Variants in ADD1 observed in about 807,000 individuals in gnomAD.
ADD1 encodes the protein adducin 1.
Under a neutral mutation model 80.5 loss-of-function variants are expected in ADD1, and 24 were observed. That is an observed-to-expected ratio of 0.30 (90% confidence interval 0.22 to 0.42). ADD1 has a LOEUF of 0.42. Ranked by LOEUF, ADD1 falls within the 10% of genes least tolerant of loss-of-function variation. The pLI, the probability that ADD1 is intolerant of heterozygous loss-of-function variation, is 1.00. For synonymous variants in ADD1, 373 were observed against 393.8 expected, an observed-to-expected ratio of 0.95 and a Z score of 0.63; for missense variants, 948 against 1,019.0, an observed-to-expected ratio of 0.93 and a Z score of 0.95.
intron 12 of ADD1, 78 bp from the exon 13 acceptor site, chr4:2,909,257 TAGCC>T: frequency 8.2e-7 from 1 of 1,215,234 alleles, no homozygotes; most frequent in Non-Finnish European, 1.2e-6. Flanking sequence ...TGCATGCTCT[TAGCC>T]AGCTCCATCC....
rs1023475480 is a variant in ADD1, at chr4:2,928,396, C to T, written c.2273C>T (p.Ala758Val). The T allele has an allele frequency of 6.2e-6, 10 of 1,613,168 alleles. No individual in the cohort carries two copies. The highest frequency in any genetic ancestry group is 1.3e-5 in the African/African-American group (1 of 74,868). ...APVAEEAAPS[A>V]VEEGAAADPG... Reference sequence around the variant, plus strand: ...GTGGCTGAAGAGGCTGCCCCCTCAGCTGTCGAGGAGGGGGCCGCCGCGGAC... The same window carrying T: ...GTGGCTGAAGAGGCTGCCCCCTCAGTTGTCGAGGAGGGGGCCGCCGCGGAC... Residue 758 changes from alanine (A) to valine (V), a missense_variant, in exon 16 of 16, where the codon GCT becomes GTT. Transcript: ENST00000683351.
In ADD1 at chr4:2,898,268, A is replaced by T; in HGVS notation, c.826A>T (p.Ile276Phe). The T allele has an allele frequency of 6.2e-7, 1 of 1,614,166 alleles. No homozygotes were observed. The highest frequency in any genetic ancestry group is 8.5e-7 in the Non-Finnish European group (1 of 1,180,046). ...AGTGGCTTATCATGACTACCATGGC[A>T]TTCTGGTTGATGAAGAGGAAAAAGT... is the stretch of plus-strand genomic sequence containing the variant. ...GEVAYHDYHG[I>F]LVDEEEKVLI... is the part of the protein sequence containing the mutation. Residue 276 changes from isoleucine to phenylalanine, a missense_variant, in exon 7 of 16, where the codon ATT becomes TTT. Coordinates refer to ENST00000683351, the MANE Select transcript of ADD1 (RefSeq NM_001354761.2).
At chr4:2,879,052 G>T (rs763214200) in intron 2 of ADD1, among the ~76,000 whole-genome samples, 11 of 152,296 alleles carry the variant, frequency 7.2e-5, no homozygotes, top group African/African-American at 1.4e-4. Context: ...CCTGAGATGG[G>T]TTGGATGACA....
chr4:2,904,413 CTT>C (rs1278899345), intron 9 of ADD1, among the ~76,000 whole-genome samples: 4 of 152,214 alleles, frequency 2.6e-5, no homozygotes, highest in African/African-American at 4.8e-5. Context: ...AGGTTGGTCT[CTT>C]TCACTCAGCG....
chr4:2,891,556 A>G (rs143541930), intron 4 of ADD1, among the ~76,000 whole-genome samples: 2 of 152,318 alleles, frequency 1.3e-5, no homozygotes, highest in African/African-American at 4.8e-5. Context: ...TGGGTGTTGT[A>G]GTTCACTATC....
At chr4:2,900,677 TTAC>T (rs2109037871) in intron 9 of ADD1, 1 of 152,334 alleles carries the variant, frequency 6.6e-6, no homozygotes, top group African/African-American at 2.4e-5. Flanking sequence ...TTAAATGTTC[TTAC>T]TGAAATTCTT....
intron 14 of ADD1, among the ~76,000 whole-genome samples, chr4:2,923,087 G>A (rs766326376): frequency 1.7e-4 from 26 of 152,250 alleles, no homozygotes; most frequent in Non-Finnish European, 3.4e-4. Flanking sequence ...ATGGGGGTGG[G>A]ATCTGCTGAG....
At chr4:2,893,133 T>C (rs993929321) in intron 4 of ADD1, among the ~76,000 whole-genome samples, 16 of 152,152 alleles carry the variant, frequency 1.1e-4, no homozygotes, top group Middle Eastern at 3.4e-3. Context: ...TTTGCCATGT[T>C]GACCAGGCTG....
At chr4:2,852,137 CT>C (rs1283656170) in intron 1 of ADD1, among the ~76,000 whole-genome samples, 1 of 125,300 alleles carries the variant, frequency 8.0e-6, no homozygotes, top group African/African-American at 3.0e-5. Context: ...CACCCGGCCT[CT>C]TTTCTTTCTT....
At chr4:2,885,408 C>A (rs1270211304) in intron 4 of ADD1, among the ~76,000 whole-genome samples, 2 of 152,138 alleles carry the variant, frequency 1.3e-5, no homozygotes, top group East Asian at 3.8e-4. Context: ...CTCTTACAAC[C>A]TTACTAATAT....
intron 1 of ADD1, among the ~76,000 whole-genome samples, chr4:2,852,650 T>C (rs2108793806): frequency 7.1e-6 from 1 of 140,950 alleles, no homozygotes; most frequent in Admixed American, 7.0e-5. Flanking sequence ...TGTCTTCTAT[T>C]TTCTGTACTA....
At chr4:2,868,399 T>G (rs1472888264) in intron 1 of ADD1, among the ~76,000 whole-genome samples, 1 of 152,230 alleles carries the variant, frequency 6.6e-6, no homozygotes, top group African/African-American at 2.4e-5. Flanking sequence ...GCTGCACTGT[T>G]CCCAGCCCTC....
Position 2,928,205 on chromosome 4 carries a change from T to C in ADD1, c.2082T>C (p.Ser694=), listed in dbSNP as rs755570549. ...LVPEPTTGDD[S]DAATFKPTLP... is the part of the protein sequence containing the mutation. ...CGGAGCCGACTACTGGAGATGACAGTGATGCTGCCACCTTTAAGCCAACTC... is the reference window on the plus strand; with the variant it reads ...CGGAGCCGACTACTGGAGATGACAGCGATGCTGCCACCTTTAAGCCAACTC... The change falls in exon 16 of 16, where the codon AGT becomes AGC. Residue 694 remains serine, a synonymous_variant. Transcript: ENST00000683351. 6.2e-7 allele frequency: 1 copy of C among 1,614,094 alleles called. No homozygotes were observed.
intron 3 of ADD1, among the ~76,000 whole-genome samples, chr4:2,884,160 T>C (rs1033439233): frequency 1.3e-5 from 2 of 152,254 alleles, no homozygotes; most frequent in African/African-American, 4.8e-5. Context: ...CTTGCTTTAC[T>C]GCACGCCACA....
Position 2,929,721 on chromosome 4 carries a change from G to A in ADD1, c.*1198G>A, listed in dbSNP as rs1217707294. ...GGGCCGAGCCACCTCGGATCCCACT[G>A]ATTGGCCAGCCGAGCGAGAACCAGG... On this transcript the variant is annotated 3_prime_UTR_variant, in exon 16 of 16. Coordinates refer to ENST00000683351, the MANE Select transcript of ADD1 (RefSeq NM_001354761.2). 1 of 152,388 alleles carries A rather than the reference G, an allele frequency of 6.6e-6. No individual in the cohort carries two copies. 9.4% of individuals were successfully genotyped at this position (152,388 alleles called of 1,614,324 possible). A position where few individuals can be genotyped will look rare whatever the true frequency, so the allele number is the denominator to read the frequency against.
At chr4:2,898,636 A>G (rs1347932003) in intron 8 of ADD1, 105 bp downstream of exon 8, 7 of 966,402 alleles carry the variant, frequency 7.2e-6, no homozygotes, top group Non-Finnish European at 1.2e-5. Context: ...GTCTTTGAGC[A>G]ATCTCTTTGC....
In ADD1 at chr4:2,894,015, C is replaced by T. The variant is rs942965148; in HGVS notation, c.513C>T (p.Thr171=). 1.2e-6 allele frequency: 2 copies of T among 1,613,776 alleles called. No homozygotes were observed. The highest frequency in any genetic ancestry group is 2.7e-5 in the African/African-American group (2 of 74,924). The change falls in exon 5 of 16, where the codon ACC becomes ACT. Residue 171 remains threonine (T), a splice_region_variant and synonymous_variant. Transcript: ENST00000683351. ...TAATTCAGTCATTTTCCCCACAGAC[C>T]AGAGTGAACTCCGAGCAGGAACACT... ...WSQLIYNHIT[T]RVNSEQEHFL...
chr4:2,869,917 C>G (rs546662204), intron 1 of ADD1, among the ~76,000 whole-genome samples: 1 of 152,232 alleles, frequency 6.6e-6, no homozygotes, highest in African/African-American at 2.4e-5. Flanking sequence ...CTCCTTTTTC[C>G]CACGGAGCAG....
chr4:2,908,866 C>A (rs935247929), intron 12 of ADD1: 1 of 522,760 alleles, frequency 1.9e-6, no homozygotes. Context: ...ACATACACCA[C>A]CAGCTTTGGG....
Sources: gnomAD v4.1 joint callset for allele counts (sites outside exome capture counted in the v4.1 genomes callset) on GRCh38, gnomAD v4.1.1 for gene constraint, MANE v1.5 for transcripts, NCBI Gene and HGNC (gene_info 2026-07-23, HGNC 2026-07-21) for gene names.